MAML2: variants seen among roughly 807,000 people sequenced by gnomAD.
MAML2 encodes the protein mastermind like transcriptional coactivator 2.
Under a neutral mutation model 96.1 loss-of-function variants are expected in MAML2, and 22 were observed. The ratio of observed to expected loss-of-function variants is 0.23; its 90% CI spans 0.16 to 0.33. MAML2 has a LOEUF of 0.33. MAML2 is among the 10% of genes least tolerant of loss of function. The probability of loss-of-function intolerance (pLI) is 1.00; values close to 1 mark genes in which losing one functional copy is unlikely to be tolerated. For synonymous variants in MAML2, 561 were observed against 521.3 expected, an observed-to-expected ratio of 1.08 and a Z score of -1.04; for missense variants, 1,367 against 1,392.4, an observed-to-expected ratio of 0.98 and a Z score of 0.29.
At chr11:96,240,948 T>C (rs1009054485) in intron 1 of MAML2, among the ~76,000 whole-genome samples, 2 of 152,164 alleles carry the variant, frequency 1.3e-5, no homozygotes, top group African/African-American at 4.8e-5. Context: ...ATGTAGGCAG[T>C]CTGGATCAAA....
intron 1 of MAML2, among the ~76,000 whole-genome samples, chr11:96,325,025 ACT>A (rs1738264208): frequency 1.3e-5 from 2 of 151,914 alleles, no homozygotes; most frequent in African/African-American, 4.8e-5. Flanking sequence ...AAAAAACAAG[ACT>A]CTTGTTTCAG....
chr11:96,092,811 A>G lies in MAML2; in HGVS notation c.1220T>C (p.Val407Ala). ...ALSTSSPIPS[V>A]PQSQAQPQTG... ...CTGAGGCTGAGCCTGGCTCTGAGGG[A>G]CTGAAGGGATTGGAGACGAAGTGGA... is the stretch of plus-strand genomic sequence containing the variant. The change falls in exon 2 of 5, where the codon GTC (valine) becomes GCC (alanine). Residue 407 changes from valine (V) to alanine (A), a missense_variant. Physicochemically the swap from Val to Ala is moderately conservative, Grantham distance 64 (BLOSUM62 0). Coordinates refer to ENST00000524717, the MANE Select transcript of MAML2 (RefSeq NM_032427.4). This position sits in a 1 kb window ranked among gnomAD's most constrained non-coding sequence, Gnocchi z 4.1. 1 of 1,611,030 alleles carries G rather than the reference A, an allele frequency of 6.2e-7. No homozygotes were observed. The highest frequency in any genetic ancestry group is 8.5e-7 in the Non-Finnish European group (1 of 1,177,960).
chr11:96,295,348 TA>T (rs1453928622), intron 1 of MAML2, among the ~76,000 whole-genome samples: 1 of 152,186 alleles, frequency 6.6e-6, no homozygotes, highest in East Asian at 1.9e-4. Context: ...AGGAATGAAC[TA>T]GCATTTTTCA....
intron 1 of MAML2, among the ~76,000 whole-genome samples, chr11:96,160,427 ATTTT>A (rs10578511): frequency 4.4e-5 from 6 of 137,814 alleles, no homozygotes; most frequent in Non-Finnish European, 4.7e-5. Flanking sequence ...CAGTTTTCCA[ATTTT>A]TTTTTTTTTT....
chr11:96,046,890 G>C (rs1858910438), intron 2 of MAML2, among the ~76,000 whole-genome samples: 1 of 152,168 alleles, frequency 6.6e-6, no homozygotes, highest in Non-Finnish European at 1.5e-5. Context: ...CTACACTAAA[G>C]CTCTCTCAAA....
Position 96,207,680 on chromosome 11 carries a change from A to T in MAML2, c.514-114163T>A, listed in dbSNP as rs1013018872. On this transcript the variant is annotated intron_variant, in intron 1 of 4. Transcript: ENST00000524717. ...TGGAGTATAACTGCTGTCCCTTAAA[A>T]ATTGTCCAGGCAGTATATGCATGGC... Among the ~76,000 whole-genome samples, 13 of 152,224 alleles carry T rather than the reference A, an allele frequency of 8.5e-5. 1 individual carries two copies. Among genetic ancestry groups the T allele is most frequent in the Admixed American group, 8.5e-4 (13 of 15,286 alleles).
chr11:96,313,856 T>C (rs1863587876), intron 1 of MAML2, among the ~76,000 whole-genome samples: 1 of 152,140 alleles, frequency 6.6e-6, no homozygotes, highest in African/African-American at 2.4e-5. Flanking sequence ...ACAGCAGAAA[T>C]TTGGATTTTT....
intron 2 of MAML2, among the ~76,000 whole-genome samples, chr11:96,050,353 G>A (rs1858971482): frequency 6.6e-6 from 1 of 152,156 alleles, no homozygotes; most frequent in African/African-American, 2.4e-5. Context: ...ACACCGACTG[G>A]CAAATATGGC....
chr11:96,319,512 C>T (rs1182408598), intron 1 of MAML2, among the ~76,000 whole-genome samples: 3 of 152,198 alleles, frequency 2.0e-5, no homozygotes, highest in Non-Finnish European at 1.5e-5. Flanking sequence ...GTCATGCCAT[C>T]AGAGAATTTT....
At chr11:96,241,057 G>A (rs1481323979) in intron 1 of MAML2, among the ~76,000 whole-genome samples, 1 of 152,172 alleles carries the variant, frequency 6.6e-6, no homozygotes, top group Non-Finnish European at 1.5e-5. Flanking sequence ...AACAGCAATT[G>A]AAGTGTCATC....
rs879851030 is a variant in MAML2 at position 96,041,489 on chromosome 11, AGAAGGAAAG to A, written c.2140-49775_2140-49767del. ...AGTGAGACTCCATAAAAAGAAAGAA[AGAAGGAAAG>A]GAAGGAAAGGAAGGAAGGGAAGGAA... On this transcript the variant is annotated intron_variant, in intron 2 of 4. Transcript: ENST00000524717. Among the ~76,000 whole-genome samples the A allele has an allele frequency of 9.6e-3, 1,361 of 141,218 alleles. 16 individuals carry two copies. The highest frequency in any genetic ancestry group is 0.013 in the Non-Finnish European group (865 of 65,264). 92.6% of individuals were successfully genotyped at this position (141,218 alleles called of 152,430 possible). A position where few individuals can be genotyped will look rare whatever the true frequency, so the allele number is the denominator to read the frequency against.
chr11:96,109,777 T>C (rs1427776196), intron 1 of MAML2, among the ~76,000 whole-genome samples: 1 of 152,102 alleles, frequency 6.6e-6, no homozygotes, highest in Non-Finnish European at 1.5e-5. Context: ...CTGTGGGGCA[T>C]GTAAGTGGAG....
intron 1 of MAML2, among the ~76,000 whole-genome samples, chr11:96,141,502 AG>A (rs1188135624): frequency 3.3e-5 from 5 of 152,044 alleles, no homozygotes; most frequent in African/African-American, 1.2e-4. Context: ...TGTCAGATGG[AG>A]AAGAGAAATC....
intron 1 of MAML2, among the ~76,000 whole-genome samples, chr11:96,309,219 C>T (rs893569569): frequency 2.0e-5 from 3 of 152,186 alleles, no homozygotes; most frequent in Admixed American, 6.5e-5. Flanking sequence ...ATTTGGAATG[C>T]CATTGTGTTT....
At chr11:96,121,780 A>ATTTTTTTTTTTT (rs543373689) in intron 1 of MAML2, among the ~76,000 whole-genome samples, 433 of 35,228 alleles carry the variant, frequency 0.012, 127 homozygotes, top group African/African-American at 0.03. Flanking sequence ...CAACTGCGTG[A>ATTTTTTTTTTTT]TTTTTTTTTT....
rs1010556531 is a variant in MAML2, at chr11:96,342,585, C to T, written c.-690G>A. On this transcript the variant is annotated 5_prime_UTR_variant, in exon 1 of 5. Transcript: ENST00000524717. ...CTTTCCTTTCGCTCCGGTGTTTTCT[C>T]CTCTTTGGGGTACTGTAGGATGTTG... The T allele has an allele frequency of 5.1e-6, 2 of 395,166 alleles. No individual in the cohort carries two copies. The highest frequency in any genetic ancestry group is 8.9e-6 in the Non-Finnish European group (2 of 224,534). The allele number at this position is 395,166 out of a possible 1,614,324, so 24.5% of individuals were successfully genotyped here.
Position 96,092,147 on chromosome 11 carries a change from T to C in MAML2, c.1884A>G (p.Gln628=). Residue 628 remains glutamine, a synonymous_variant, in exon 2 of 5, where the codon CAA becomes CAG. Transcript: ENST00000524717. This position sits in a 1 kb window ranked among gnomAD's most constrained non-coding sequence, Gnocchi z 4.1. ...AAATTGAGCTCTGCTGCTGTTGCTG[T>C]TGTTGAGCTGAAATTGAACTCTGCT... ...QQQQSSISAQ[Q]QQQQQSSISA... is the part of the protein sequence containing the mutation. The C allele has an allele frequency of 6.5e-7, 1 of 1,547,092 alleles. No homozygotes were observed. Among genetic ancestry groups the C allele is most frequent in the East Asian group, 2.5e-5 (1 of 40,784 alleles).
At chr11:96,179,799 C>T (rs1464820690) in intron 1 of MAML2, among the ~76,000 whole-genome samples, 1 of 152,186 alleles carries the variant, frequency 6.6e-6, no homozygotes, top group Non-Finnish European at 1.5e-5. Context: ...CTGTGTTTCC[C>T]TTGATGCTCC....
rs116636111 is a variant in MAML2 at position 96,181,996 on chromosome 11, C to T, written c.514-88479G>A. Among the ~76,000 whole-genome samples the T allele has an allele frequency of 4.7e-3, 715 of 152,162 alleles. 8 individuals are homozygous for T. Among genetic ancestry groups the T allele is most frequent in the African/African-American group, 0.016 (678 of 41,504 alleles). On this transcript the variant is annotated intron_variant, in intron 1 of 4. Coordinates refer to ENST00000524717, the MANE Select transcript of MAML2 (RefSeq NM_032427.4). Reference sequence around the variant, plus strand: ...CCCTTAAATGTTAGAATTACTTTTTCATTTGCAGTAGGTATGAGGAAAAAA... The same window carrying T: ...CCCTTAAATGTTAGAATTACTTTTTTATTTGCAGTAGGTATGAGGAAAAAA...
Sources: gnomAD v4.1 joint callset for allele counts (sites outside exome capture counted in the v4.1 genomes callset) on GRCh38, gnomAD v4.1.1 for gene constraint, Gnocchi (gnomAD v3.1) non-coding constraint, MANE v1.5 for transcripts, NCBI Gene and HGNC (gene_info 2026-07-23, HGNC 2026-07-21) for gene names.